The following DAB1 variants were observed in gnomAD, a reference collection of about 807,000 sequenced individuals.
DAB1 encodes the protein disabled homolog 1.
DAB1 carries 15 observed loss-of-function variants against 64.6 expected under a neutral mutation model. The observed-to-expected ratio is 0.23, with a 90% CI of 0.16 to 0.36. The LOEUF (loss-of-function observed/expected upper bound fraction) is 0.36, where lower values mean the gene tolerates loss of function less well. DAB1 is among the 10% of genes least tolerant of loss of function. DAB1 has a pLI of 1.00. For synonymous variants in DAB1, 235 were observed against 251.9 expected, an observed-to-expected ratio of 0.93 and a Z score of 0.64; for missense variants, 596 against 706.7, an observed-to-expected ratio of 0.84 and a Z score of 1.78.
At chr1:57,198,625 C>T (rs1374607033) in intron 2 of DAB1, among the ~76,000 whole-genome samples, 2 of 147,292 alleles carry the variant, frequency 1.4e-5, no homozygotes, top group Non-Finnish European at 3.0e-5. Flanking sequence ...CTCTTCCTCC[C>T]TCCCTCCCTG....
At chr1:57,664,430 A>G (rs183072801) in intron 6 of DAB1, among the ~76,000 whole-genome samples, 8 of 152,340 alleles carry the variant, frequency 5.3e-5, no homozygotes, top group Admixed American at 3.9e-4. Flanking sequence ...TTCTTTTCCA[A>G]TACATGTATA....
At chr1:58,452,502 A>G (rs894921173) in intron 3 of DAB1, among the ~76,000 whole-genome samples, 2 of 152,006 alleles carry the variant, frequency 1.3e-5, no homozygotes, top group East Asian at 3.9e-4. Context: ...ACTCTGCAAA[A>G]AAGTCTACAG....
At chr1:58,409,633 A>G (rs964206073) in intron 3 of DAB1, among the ~76,000 whole-genome samples, 4 of 152,218 alleles carry the variant, frequency 2.6e-5, no homozygotes, top group Non-Finnish European at 5.9e-5. Flanking sequence ...GTAACATCTC[A>G]TGATTCTATT....
At chr1:58,101,847 C>T (rs1362588588) in intron 5 of DAB1, among the ~76,000 whole-genome samples, 1 of 152,146 alleles carries the variant, frequency 6.6e-6, no homozygotes, top group East Asian at 1.9e-4. Flanking sequence ...GGCCTAAGGT[C>T]CCACCAGCAG....
chr1:57,142,611 C>T (rs1658711326), intron 3 of DAB1, among the ~76,000 whole-genome samples: 1 of 149,612 alleles, frequency 6.7e-6, no homozygotes, highest in African/African-American at 2.5e-5. Flanking sequence ...CACACACACA[C>T]ACACACACAC....
chr1:57,378,247 A>G (rs17423972), intron 1 of DAB1, among the ~76,000 whole-genome samples: 15 of 152,196 alleles, frequency 9.9e-5, no homozygotes, highest in African/African-American at 3.6e-4. Context: ...CCAAAGGGGC[A>G]CTGTCTCCAA....
chr1:57,118,574 C>T (rs1417554689), intron 4 of DAB1, among the ~76,000 whole-genome samples: 2 of 152,180 alleles, frequency 1.3e-5, no homozygotes, highest in Non-Finnish European at 2.9e-5. Context: ...GAGAATGTAG[C>T]AGGCAGGCAG....
chr1:58,352,749 G>A (rs986473982), intron 3 of DAB1, among the ~76,000 whole-genome samples: 1 of 152,104 alleles, frequency 6.6e-6, no homozygotes, highest in Non-Finnish European at 1.5e-5. Context: ...TGATGATATT[G>A]GGTGGTGGGG....
intron 1 of DAB1, among the ~76,000 whole-genome samples, chr1:57,877,408 A>G (rs576702321): frequency 1.7e-4 from 26 of 152,246 alleles, no homozygotes; most frequent in African/African-American, 6.0e-4. Context: ...GATATGACAC[A>G]ATTCTAGGAC....
At chr1:57,970,518 A>G (rs968347130) in intron 5 of DAB1, among the ~76,000 whole-genome samples, 22 of 152,188 alleles carry the variant, frequency 1.4e-4, no homozygotes, top group African/African-American at 5.3e-4. Flanking sequence ...AAGGATATCT[A>G]CGGCGCTTGA....
At chr1:57,780,721 C>A (rs559925466) in intron 6 of DAB1, among the ~76,000 whole-genome samples, 1 of 150,846 alleles carries the variant, frequency 6.6e-6, no homozygotes, top group African/African-American at 2.4e-5. Context: ...TTCTTTTTTT[C>A]TTTTCTTTTC....
intron 3 of DAB1, among the ~76,000 whole-genome samples, chr1:57,138,566 C>T (rs769430646): frequency 5.3e-5 from 8 of 152,136 alleles, no homozygotes; most frequent in Admixed American, 2.0e-4. Flanking sequence ...ACATACAAAG[C>T]AGAGTTCTCT....
intron 3 of DAB1, among the ~76,000 whole-genome samples, chr1:58,408,286 T>G (rs182898627): frequency 6.6e-6 from 1 of 152,364 alleles, no homozygotes; most frequent in Admixed American, 6.5e-5. Context: ...CTTCAGGTGA[T>G]GAAATCCTCA....
chr1:57,148,223 G>A (rs1296842621), intron 2 of DAB1, among the ~76,000 whole-genome samples: 7 of 152,142 alleles, frequency 4.6e-5, no homozygotes, highest in African/African-American at 9.7e-5. Context: ...GAACTCTGCC[G>A]AGAAAGAAGA....
In DAB1 at chr1:57,103,601, G is replaced by A. The variant is rs144140011; in HGVS notation, c.307-31187C>T. On this transcript the variant is annotated intron_variant, in intron 4 of 14. Coordinates refer to ENST00000371236, the MANE Select transcript of DAB1 (RefSeq NM_001365792.1). Reference sequence around the variant, plus strand: ...GAGGACTTTTGAGAAGCCCAGGCATGCTGGGGAGGAGAGAGTAGGGAGGCG... The same window carrying A: ...GAGGACTTTTGAGAAGCCCAGGCATACTGGGGAGGAGAGAGTAGGGAGGCG... 1.5e-3 allele frequency among the ~76,000 whole-genome samples: 234 copies of A among 152,152 alleles called. 1 individual carries two copies. The highest frequency in any genetic ancestry group is 5.3e-3 in the African/African-American group (220 of 41,528).
chr1:58,049,216 T>C (rs905622563), intron 5 of DAB1: 10 of 768,294 alleles, frequency 1.3e-5, no homozygotes, highest in Middle Eastern at 7.2e-4. Context: ...TTCTCATCAG[T>C]GGTGTCAAAG....
chr1:57,010,829 T>C, intron 13 of DAB1, 39 bp from the exon 14 acceptor site: 1 of 1,434,920 alleles, frequency 7.0e-7, no homozygotes, highest in Middle Eastern at 1.9e-4. Context: ...TTTTCTCTCT[T>C]TTCAAGCATT....
intron 5 of DAB1, among the ~76,000 whole-genome samples, chr1:57,975,406 A>T (rs1200392806): frequency 6.6e-6 from 1 of 152,238 alleles, no homozygotes; most frequent in Admixed American, 6.5e-5. Context: ...CAGATAGGAA[A>T]GCAAAAGACT....
intron 5 of DAB1, chr1:58,048,678 GACCACC>G: frequency 1.5e-6 from 2 of 1,308,518 alleles, no homozygotes; most frequent in Non-Finnish European, 2.2e-6. Context: ...CCACCTCCAC[GACCACC>G]ACCAAAGTTT....
Sources: allele counts gnomAD v4.1 joint callset (sites outside exome capture counted in the v4.1 genomes callset), GRCh38; gene constraint gnomAD v4.1.1; transcripts MANE v1.5; gene names NCBI Gene and HGNC (gene_info 2026-07-23, HGNC 2026-07-21).